The following EGFR variants were observed in gnomAD, a reference collection of about 807,000 sequenced individuals.
The protein encoded by EGFR is avian erythroblastic leukemia viral (v-erb-b) oncogene homolog.
In EGFR, 58 loss-of-function variants were observed where a neutral mutation model predicts 143.0. The ratio of observed to expected loss-of-function variants is 0.41; its 90% CI spans 0.33 to 0.50. The LOEUF (loss-of-function observed/expected upper bound fraction) is 0.50. Ranked by LOEUF, EGFR falls within the 20% of genes least tolerant of loss-of-function variation. The probability of loss-of-function intolerance (pLI) is 0.39; values close to 1 mark genes in which losing one functional copy is unlikely to be tolerated. For synonymous variants in EGFR, 613 were observed against 594.4 expected, an observed-to-expected ratio of 1.03 and a Z score of -0.45; for missense variants, 1,307 against 1,579.0, an observed-to-expected ratio of 0.83 and a Z score of 2.92.
At chr7:55,049,778 G>A (rs536183568) in intron 1 of EGFR, among the ~76,000 whole-genome samples, 5 of 152,256 alleles carry the variant, frequency 3.3e-5, no homozygotes, top group Admixed American at 6.5e-5. Flanking sequence ...CAAGATCAGA[G>A]GAGCACAAAT....
intron 18 of EGFR, 113 bp from the exon 19 acceptor site, chr7:55,174,607 CCA>C (rs1326566139): frequency 2.2e-6 from 2 of 915,374 alleles, no homozygotes; most frequent in East Asian, 4.9e-5. Context: ...CTCCACAGCC[CCA>C]GTGTCCCTCA....
In EGFR at chr7:55,206,794, A is replaced by G. The variant is rs1462688912; in HGVS notation, c.*1177A>G. ...AAACCCCCTCCTTACGCTTTGTCAC[A>G]CAAAAAGTGTCTCTGCCTTGAGTCA... On this transcript the variant is annotated 3_prime_UTR_variant, in exon 28 of 28. Coordinates refer to ENST00000275493, the MANE Select transcript of EGFR (RefSeq NM_005228.5). 2 of 233,058 alleles carry G rather than the reference A, an allele frequency of 8.6e-6. No individual in the cohort carries two copies. Among genetic ancestry groups the G allele is most frequent in the Non-Finnish European group, 1.7e-5 (2 of 118,140 alleles). The allele number at this position is 233,058 out of a possible 1,614,324, so 14.4% of individuals were successfully genotyped here.
At chr7:55,203,346 T>C (rs1474798758) in intron 27 of EGFR, among the ~76,000 whole-genome samples, 2 of 127,552 alleles carry the variant, frequency 1.6e-5, no homozygotes, top group Non-Finnish European at 3.2e-5. Flanking sequence ...TACACACATA[T>C]ATACACACAT....
rs965633048 is a variant in EGFR at position 55,181,006 on chromosome 7, T to C, written c.2284-287T>C. 1.4e-4 allele frequency: 78 copies of C among 544,102 alleles called. No individual in the cohort carries two copies. The Admixed American group carries it at 2.4e-3, about 17-fold the overall frequency. 33.7% of individuals were successfully genotyped at this position (544,102 alleles called of 1,614,324 possible). ...AACTCAGAGATCAGGTGACTCCGAC[T>C]CCTCCTTTATCCAATGTGCTCCTCA... On this transcript the variant is annotated intron_variant, in intron 19 of 27. Transcript: ENST00000275493.
At chr7:55,189,972 A>G (rs1787312801) in intron 20 of EGFR, among the ~76,000 whole-genome samples, 1 of 152,218 alleles carries the variant, frequency 6.6e-6, no homozygotes. Context: ...TCTGTAAGAG[A>G]CAGGGTACCA....
intron 11 of EGFR, among the ~76,000 whole-genome samples, chr7:55,158,748 G>C (rs980260742): frequency 6.6e-6 from 1 of 152,204 alleles, no homozygotes; most frequent in Non-Finnish European, 1.5e-5. Context: ...TCCAGGGTGT[G>C]ACTCACTGAG....
chr7:55,057,350 C>A (rs1287449249), intron 1 of EGFR, among the ~76,000 whole-genome samples: 1 of 152,200 alleles, frequency 6.6e-6, no homozygotes, highest in Non-Finnish European at 1.5e-5. Context: ...ACGTGGACTT[C>A]CCTGACACTG....
intron 1 of EGFR, chr7:55,043,957 C>T (rs1027928198): frequency 2.0e-5 from 3 of 152,166 alleles, no homozygotes; most frequent in Non-Finnish European, 4.4e-5. Context: ...CTTGTTCAAC[C>T]TGAAAACCTA....
chr7:55,174,889 G>A lies in EGFR; in HGVS notation c.2283+69G>A, dbSNP rs17337135. ...TCAGGCCCACCTTTTCTCATGTCTG[G>A]CAGCTGCTCTGCTCTAGACCCTGCT... On this transcript the variant is annotated intron_variant, in intron 19 of 27. Coordinates refer to ENST00000275493, the MANE Select transcript of EGFR (RefSeq NM_005228.5). The A allele has an allele frequency of 0.022, 27,656 of 1,243,416 alleles. 389 individuals are homozygous for A. The highest frequency in any genetic ancestry group is 0.048 in the Middle Eastern group (256 of 5,348). 77.0% of individuals were successfully genotyped at this position (1,243,416 alleles called of 1,614,324 possible).
At chr7:55,094,483 T>C (rs375736202) in intron 1 of EGFR, among the ~76,000 whole-genome samples, 22 of 152,336 alleles carry the variant, frequency 1.4e-4, no homozygotes, top group African/African-American at 5.3e-4. Flanking sequence ...AGGCAGTTGA[T>C]CCACAGATTT....
Position 55,191,791 on chromosome 7 carries a change from C to A in EGFR, c.2542C>A (p.Pro848Thr), listed in dbSNP as rs1787407443. 6.2e-7 allele frequency: 1 copy of A among 1,614,106 alleles called. No individual in the cohort carries two copies. The highest frequency in any genetic ancestry group is 8.5e-7 in the Non-Finnish European group (1 of 1,180,036). The change falls in exon 21 of 28, where the codon CCG (proline) becomes ACG (threonine). Residue 848 changes from proline (P) to threonine (T), a missense_variant. Physicochemically the swap from Pro to Thr is conservative, Grantham distance 38. Transcript: ENST00000275493. ...LAARNVLVKTPQHVKITDFGL... is the reference protein window; with the variant it reads ...LAARNVLVKTTQHVKITDFGL... ...AGCCAGGAACGTACTGGTGAAAACA[C>A]CGCAGCATGTCAAGATCACAGATTT...
At chr7:55,068,003 T>G (rs1161111906) in intron 1 of EGFR, among the ~76,000 whole-genome samples, 2 of 150,924 alleles carry the variant, frequency 1.3e-5, no homozygotes, top group African/African-American at 5.0e-5. Flanking sequence ...TATGTGTGTC[T>G]GTGGGCACAG....
At chr7:55,143,680 G>A (rs1334380197) in intron 3 of EGFR, among the ~76,000 whole-genome samples, 192 bp downstream of exon 3, 1 of 152,178 alleles carries the variant, frequency 6.6e-6, no homozygotes, top group Non-Finnish European at 1.5e-5. Flanking sequence ...TACTGGAATG[G>A]GAAGATTTAA....
intron 7 of EGFR, 63 bp from the exon 8 acceptor site, chr7:55,155,767 C>T (rs1050722089): frequency 2.2e-6 from 3 of 1,341,458 alleles, no homozygotes; most frequent in Admixed American, 1.7e-5. Context: ...CCTGGACCGC[C>T]TGTGTGAGGC....
chr7:55,145,104 G>C (rs958614016), intron 3 of EGFR, among the ~76,000 whole-genome samples: 16 of 152,272 alleles, frequency 1.1e-4, no homozygotes, highest in African/African-American at 3.9e-4. Flanking sequence ...ACCGGGAAGC[G>C]GCTCCTGCAG....
At chr7:55,118,148 C>A (rs758779800) in intron 1 of EGFR, among the ~76,000 whole-genome samples, 1 of 152,176 alleles carries the variant, frequency 6.6e-6, no homozygotes, top group Non-Finnish European at 1.5e-5. Context: ...CCCTTTTGAG[C>A]ATTTTGCCAG....
intron 1 of EGFR, among the ~76,000 whole-genome samples, chr7:55,095,646 A>C (rs1055497284): frequency 6.6e-6 from 1 of 152,110 alleles, no homozygotes; most frequent in Non-Finnish European, 1.5e-5. Flanking sequence ...CAACACACAG[A>C]GTTACACACA....
chr7:55,200,783 C>T (rs539980824), intron 24 of EGFR: 2 of 478,396 alleles, frequency 4.2e-6, no homozygotes, highest in Non-Finnish European at 7.7e-6. Context: ...CCCAGGCAGC[C>T]GATCCACCTA....
chr7:55,105,270 G>T (rs1231700016), intron 1 of EGFR, among the ~76,000 whole-genome samples: 1 of 152,208 alleles, frequency 6.6e-6, no homozygotes, highest in Non-Finnish European at 1.5e-5. Flanking sequence ...GGTGTGGTTT[G>T]TGGCTGAGAA....
Sources: allele counts gnomAD v4.1 joint callset (sites outside exome capture counted in the v4.1 genomes callset), GRCh38; gene constraint gnomAD v4.1.1; transcripts MANE v1.5; gene names NCBI Gene and HGNC (gene_info 2026-07-23, HGNC 2026-07-21).